The following SFI1 variants were observed in gnomAD, a reference collection of about 807,000 sequenced individuals.
The protein encoded by SFI1 is SFI1 centrin binding protein, also known as protein SFI1 homolog.
A neutral mutation model predicts 207.5 loss-of-function variants in SFI1; 195 were observed. That is an observed-to-expected ratio of 0.94 (90% CI 0.84 to 1.06). SFI1 has a LOEUF of 1.06. SFI1 is among the 50% of genes least tolerant of loss of function. SFI1 has a pLI of 0.00. For synonymous variants in SFI1, 630 were observed against 598.9 expected (o/e 1.05, Z -0.76); for missense variants, 1,634 against 1,588.0 (o/e 1.03, Z -0.49).
chr22:31,599,607 G>A (rs1056247792), intron 15 of SFI1, among the ~76,000 whole-genome samples: 3 of 152,200 alleles, frequency 2.0e-5, no homozygotes, highest in Admixed American at 2.0e-4. Context: ...TGGGATTACA[G>A]GCGTGAGCCA....
At chr22:31,548,676 G>A (rs1171187177) in intron 5 of SFI1, among the ~76,000 whole-genome samples, 1 of 151,670 alleles carries the variant, frequency 6.6e-6, no homozygotes, top group Non-Finnish European at 1.5e-5. Context: ...GGGCATGGTG[G>A]CATGTGCCTG....
intron 27 of SFI1, 48 bp downstream of exon 27, chr22:31,613,903 G>C (rs776766118): frequency 6.5e-7 from 1 of 1,535,328 alleles, no homozygotes; most frequent in East Asian, 2.3e-5. Flanking sequence ...CTGGGCAAAA[G>C]GTTGGATGGC....
At chr22:31,617,402 G>A (rs2071826105) in intron 31 of SFI1, among the ~76,000 whole-genome samples, 1 of 152,072 alleles carries the variant, frequency 6.6e-6, no homozygotes, top group Admixed American at 6.5e-5. Flanking sequence ...TGTCCCCAGT[G>A]ACTAATTATA....
chr22:31,552,933 T>C (rs1181534115), intron 6 of SFI1, among the ~76,000 whole-genome samples: 2 of 151,584 alleles, frequency 1.3e-5, no homozygotes, highest in Non-Finnish European at 2.9e-5. Flanking sequence ...CAGCCTTGAC[T>C]TCCTGGGCCA....
chr22:31,538,900 GC>G (rs1236773995), intron 4 of SFI1, among the ~76,000 whole-genome samples: 2 of 152,038 alleles, frequency 1.3e-5, no homozygotes, highest in African/African-American at 4.8e-5. Flanking sequence ...TGTATGCCCA[GC>G]CAAGACCTCT....
intron 2 of SFI1, among the ~76,000 whole-genome samples, chr22:31,511,653 GT>G: frequency 6.6e-6 from 1 of 151,782 alleles, no homozygotes; most frequent in African/African-American, 2.4e-5. Flanking sequence ...TTTCCTTTAA[GT>G]TTTTTGTTTG....
chr22:31,571,021 G>A (rs540665191), intron 8 of SFI1, among the ~76,000 whole-genome samples: 1 of 152,328 alleles, frequency 6.6e-6, no homozygotes, highest in East Asian at 1.9e-4. Flanking sequence ...GCCTGTGGGA[G>A]CGGGCTCAAG....
intron 5 of SFI1, among the ~76,000 whole-genome samples, chr22:31,549,288 T>TAAAAA (rs59382278): frequency 0.026 from 955 of 37,188 alleles, 107 homozygotes; most frequent in Admixed American, 0.03. Context: ...AGACCCTGTG[T>TAAAAA]AAAAAAAAAA....
At chr22:31,582,121 T>A (rs2064255710) in intron 12 of SFI1, among the ~76,000 whole-genome samples, 1 of 145,680 alleles carries the variant, frequency 6.9e-6, no homozygotes, top group Non-Finnish European at 1.5e-5. Flanking sequence ...GATTGATTTT[T>A]AGCAGAAATG....
chr22:31,584,385 A>T (rs2064749965), intron 13 of SFI1, among the ~76,000 whole-genome samples: 1 of 152,144 alleles, frequency 6.6e-6, no homozygotes. Context: ...AAAACACTAC[A>T]TTTCTGTGAG....
chr22:31,603,425 G>C (rs552051073), intron 17 of SFI1, among the ~76,000 whole-genome samples: 24 of 152,242 alleles, frequency 1.6e-4, no homozygotes, highest in African/African-American at 5.5e-4. Context: ...CTGCTTTGGG[G>C]CCTTTCAGTG....
rs531427732 is a variant in SFI1, at chr22:31,566,416, G to A, written c.765+5024G>A. The stretch of plus-strand genomic sequence containing the variant: ...CCCCCAGTTTCTTTTAATTATTCAC[G>A]GATCTGTTTCTCGGCTCTGTCTTCC... On this transcript the variant is annotated intron_variant, in intron 8 of 32. Transcript: ENST00000400288. Among the ~76,000 whole-genome samples the A allele has an allele frequency of 3.1e-3, 467 of 152,216 alleles. 1 individual carries two copies. Among genetic ancestry groups the A allele is most frequent in the Non-Finnish European group, 5.2e-3 (355 of 68,024 alleles).
At chr22:31,531,422 T>G (rs1348590955) in intron 4 of SFI1, among the ~76,000 whole-genome samples, 1 of 152,066 alleles carries the variant, frequency 6.6e-6, no homozygotes, top group Non-Finnish European at 1.5e-5. Flanking sequence ...GGCCTTCAGC[T>G]TCAAAGAAAA....
At chr22:31,522,683 G>A (rs2057418579) in intron 2 of SFI1, among the ~76,000 whole-genome samples, 1 of 151,942 alleles carries the variant, frequency 6.6e-6, no homozygotes, top group South Asian at 2.1e-4. Context: ...TTGAGATGGA[G>A]TCTCGCTCTG....
Position 31,611,238 on chromosome 22 carries a change from C to A in SFI1, c.2350C>A (p.Arg784=), listed in dbSNP as rs200693435. The change falls in exon 23 of 33, where the codon CGG becomes AGG. Residue 784 remains arginine, a synonymous_variant. Transcript: ENST00000400288. ...GGAGAGGGCAGTGCAACACCACCACCGGCAGCTGCTGCTGGAGGGGCTGGC... is the reference window on the plus strand; with the variant it reads ...GGAGAGGGCAGTGCAACACCACCACAGGCAGCTGCTGCTGGAGGGGCTGGC... ...QLERAVQHHH[R]QLLLEGLARW... The A allele has an allele frequency of 1.8e-5, 29 of 1,613,614 alleles. No homozygotes were observed. The East Asian group carries it at 6.0e-4, about 33-fold the overall frequency.
rs940428691 is a variant in SFI1 at position 31,508,861 on chromosome 22, A to C, written c.92+485A>C. On this transcript the variant is annotated intron_variant, in intron 2 of 32. Coordinates refer to ENST00000400288, the MANE Select transcript of SFI1 (RefSeq NM_001007467.3). ...TAGAGGTAGTACCACCTTAGCTTCT[A>C]CTGGCTTCAGGTTCCTGCACTGTTT... is the stretch of plus-strand genomic sequence containing the variant. 1.1e-4 allele frequency among the ~76,000 whole-genome samples: 16 copies of C among 152,208 alleles called. 1 individual carries two copies. The highest frequency in any genetic ancestry group is 8.5e-4 in the Admixed American group (13 of 15,280).
At chr22:31,587,894 C>G (rs147664524) in intron 14 of SFI1, 1 of 152,308 alleles carries the variant, frequency 6.6e-6, no homozygotes, top group East Asian at 1.9e-4. Context: ...TAAAACCATT[C>G]ATGACATTTG....
intron 8 of SFI1, among the ~76,000 whole-genome samples, chr22:31,564,226 C>G (rs1381316784): frequency 2.0e-5 from 3 of 150,490 alleles, no homozygotes; most frequent in Non-Finnish European, 4.4e-5. Context: ...ACTCAGGAGG[C>G]TGAGGCAGGA....
At chr22:31,517,280 G>T (rs546069856) in intron 2 of SFI1, among the ~76,000 whole-genome samples, 2 of 151,898 alleles carry the variant, frequency 1.3e-5, no homozygotes, top group African/African-American at 4.8e-5. Flanking sequence ...ACAGGGTCTC[G>T]CACTGTCACA....
Sources: allele counts gnomAD v4.1 joint callset (sites outside exome capture counted in the v4.1 genomes callset), GRCh38; gene constraint gnomAD v4.1.1; transcripts MANE v1.5; gene names NCBI Gene and HGNC (gene_info 2026-07-23, HGNC 2026-07-21).